Variants in SETDB1 observed in about 807,000 individuals in gnomAD.
SETDB1 encodes SET domain bifurcated histone lysine methyltransferase 1.
SETDB1 carries 31 observed loss-of-function variants against 137.4 expected under a neutral mutation model. The ratio of observed to expected loss-of-function variants is 0.23; its 90% CI spans 0.17 to 0.30. SETDB1 has a LOEUF of 0.30. Among genes scored for constraint, SETDB1 ranks in the 10% least tolerant of loss-of-function variants. The pLI is 1.00. For missense variants in SETDB1, 1,113 were observed against 1,631.5 expected, an observed-to-expected ratio of 0.68 and a Z score of 5.47; for synonymous variants, 548 against 579.9, an observed-to-expected ratio of 0.95 and a Z score of 0.79.
intron 14 of SETDB1, among the ~76,000 whole-genome samples, chr1:150,952,952 A>AT (rs1558023055): frequency 2.6e-5 from 4 of 152,226 alleles, no homozygotes; most frequent in Non-Finnish European, 1.5e-5. Context: ...AATGTCAAGA[A>AT]GACACTGGGA....
chr1:150,956,411 T>A (rs76301908), intron 14 of SETDB1, among the ~76,000 whole-genome samples: 11,295 of 151,766 alleles, frequency 0.074, 1,440 homozygotes, highest in African/African-American at 0.26. Context: ...AGTAACCACT[T>A]AAATTTTGTG....
At chr1:150,938,149 A>G (rs1558014331) in intron 3 of SETDB1, among the ~76,000 whole-genome samples, 1 of 150,802 alleles carries the variant, frequency 6.6e-6, no homozygotes. Context: ...TGAACCCAGG[A>G]GGTGGAGGTT....
In SETDB1 at chr1:150,961,124, C is replaced by G. The variant is rs150892641; in HGVS notation, c.3065C>G (p.Ala1022Gly). 3.1e-6 allele frequency: 5 copies of G among 1,614,042 alleles called. No individual in the cohort carries two copies. The highest frequency in any genetic ancestry group is 4.2e-6 in the Non-Finnish European group (5 of 1,179,988). ...EGRAGGSRME[A>G]EKASTSGLGI... Reference sequence around the variant, plus strand: ...CGGGCTGGGGGAAGCCGAATGGAGGCTGAGAAGGCCTCCACCTCAGGACTA... The same window carrying G: ...CGGGCTGGGGGAAGCCGAATGGAGGGTGAGAAGGCCTCCACCTCAGGACTA... The change falls in exon 16 of 22, where the codon GCT becomes GGT. Residue 1022 changes from alanine (A) to glycine (G), a missense_variant. Ala to Gly is a moderately conservative substitution (Grantham distance 60). Around this residue, in one of 11 missense-constraint regions of SETDB1, gnomAD observed 373 missense variants for 412.7 expected, o/e 0.90. Coordinates refer to ENST00000692827, the MANE Select transcript of SETDB1 (RefSeq NM_001366418.1).
chr1:150,962,290 T>G, intron 17 of SETDB1, 132 bp downstream of exon 17: 1 of 848,302 alleles, frequency 1.2e-6, no homozygotes, highest in Non-Finnish European at 2.0e-6. Context: ...CACCTCAGCC[T>G]CCCTAGTAGC....
In SETDB1 at chr1:150,945,084, C is replaced by T; in HGVS notation, c.1116C>T (p.Gly372=). Residue 372 remains glycine, a synonymous_variant, in exon 9 of 22, where the codon GGC becomes GGT. Transcript: ENST00000692827. ...AGTCCCGAGTTGAGGAGGTGGATGG[C>T]AGCCTAGTCAGGATCCTCTTCCTGG... ...WWKSRVEEVD[G]SLVRILFLDD... 6.2e-7 allele frequency: 1 copy of T among 1,614,072 alleles called. No individual in the cohort carries two copies. The highest frequency in any genetic ancestry group is 8.5e-7 in the Non-Finnish European group (1 of 1,179,968).
intron 16 of SETDB1, 69 bp downstream of exon 16, chr1:150,961,260 A>AT: frequency 1.4e-6 from 2 of 1,469,398 alleles, no homozygotes; most frequent in Non-Finnish European, 1.9e-6. Flanking sequence ...CAGTCTCACC[A>AT]TGAGTCTTTG....
chr1:150,962,073 T>C (rs1229550601), intron 16 of SETDB1, 57 bp from the exon 17 acceptor site: 11 of 1,608,220 alleles, frequency 6.8e-6, no homozygotes, highest in Non-Finnish European at 9.4e-6. Context: ...AGTCTGATTA[T>C]TGGACTTGTT....
intron 3 of SETDB1, among the ~76,000 whole-genome samples, chr1:150,931,453 C>T (rs867876705): frequency 2.2e-4 from 33 of 149,588 alleles, no homozygotes; most frequent in African/African-American, 7.1e-4. Flanking sequence ...GGCGTGGCGG[C>T]GGACGCCTGT....
intron 3 of SETDB1, among the ~76,000 whole-genome samples, chr1:150,930,758 G>C (rs2867296): frequency 0.35 from 53,595 of 151,654 alleles, 9,837 homozygotes; most frequent in South Asian, 0.51. Flanking sequence ...GGCTGGTCTT[G>C]AACTCCTGAC....
In SETDB1 at chr1:150,960,730, G is replaced by C; in HGVS notation, c.2671G>C (p.Asp891His). The C allele has an allele frequency of 6.2e-7, 1 of 1,611,382 alleles. No homozygotes were observed. The highest frequency in any genetic ancestry group is 8.5e-7 in the Non-Finnish European group (1 of 1,178,766). Residue 891 changes from aspartate to histidine, a missense_variant, in exon 16 of 22, where the codon GAT becomes CAT. Physicochemically the swap from Asp to His is moderately conservative, Grantham distance 81. This residue lies in a region of SETDB1 where 373 missense variants were observed against 412.7 expected (regional missense o/e 0.90). Coordinates refer to ENST00000692827, the MANE Select transcript of SETDB1 (RefSeq NM_001366418.1). The stretch of plus-strand genomic sequence containing the variant: ...TGGTGTAGACTTGAAGGACCAGGAA[G>C]ATGGCAACAGCGGTACAGAGGACCC... ...SSGVDLKDQE[D>H]GNSGTEDPEE... is the part of the protein sequence containing the mutation.
chr1:150,951,127 A>G, intron 13 of SETDB1, 37 bp downstream of exon 13: 2 of 1,578,916 alleles, frequency 1.3e-6, no homozygotes, highest in East Asian at 4.5e-5. Flanking sequence ...CCTGCTTCCA[A>G]CTTTGTTATG....
intron 12 of SETDB1, among the ~76,000 whole-genome samples, chr1:150,950,000 G>A (rs776349669): frequency 4.0e-5 from 6 of 151,744 alleles, no homozygotes; most frequent in Non-Finnish European, 7.4e-5. Context: ...TTGGGAGGCC[G>A]AGGCGGGTGG....
Position 150,927,687 on chromosome 1 carries a change from T to C in SETDB1, c.-11-17T>C. ...GTTATAAGGACTCCAATTTAATTTG[T>C]TTTCTGTTCCATGCAGAGGACAAAA... On this transcript the variant is annotated splice_polypyrimidine_tract_variant and intron_variant, in intron 1 of 21. Transcript: ENST00000692827. The C allele has an allele frequency of 1.2e-6, 2 of 1,604,028 alleles. No individual in the cohort carries two copies. Among genetic ancestry groups the C allele is most frequent in the Non-Finnish European group, 1.7e-6 (2 of 1,173,930 alleles).
At chr1:150,933,814 G>A (rs1269733176) in intron 3 of SETDB1, among the ~76,000 whole-genome samples, 2 of 85,994 alleles carry the variant, frequency 2.3e-5, no homozygotes, top group African/African-American at 1.1e-4. Flanking sequence ...TGGAGTTTTC[G>A]CTCTTGTTGT....
intron 3 of SETDB1, among the ~76,000 whole-genome samples, chr1:150,935,852 G>T (rs1372964320): frequency 6.6e-6 from 1 of 152,048 alleles, no homozygotes; most frequent in African/African-American, 2.4e-5. Context: ...TTATTGACAG[G>T]GTTTTTTGTC....
At chr1:150,951,181 TC>T in intron 13 of SETDB1, 91 bp downstream of exon 13, 1 of 1,384,000 alleles carries the variant, frequency 7.2e-7, no homozygotes, top group Non-Finnish European at 1.0e-6. Context: ...TGTACTGCTT[TC>T]CCCATCTTCC....
intron 1 of SETDB1, 123 bp from the exon 2 acceptor site, chr1:150,927,581 G>A: frequency 1.2e-6 from 1 of 833,266 alleles, no homozygotes. Context: ...GGGAGAACAT[G>A]GAATATTTGA....
In SETDB1 at chr1:150,949,377, A is replaced by G. The variant is rs1478683696; in HGVS notation, c.1435A>G (p.Ser479Gly). The G allele has an allele frequency of 1.2e-6, 2 of 1,614,220 alleles. No individual in the cohort carries two copies. The highest frequency in any genetic ancestry group is 8.5e-7 in the Non-Finnish European group (1 of 1,180,038). ...PQAGDSESLE[S>G]QLAQSRKQVA... Reference sequence around the variant, plus strand: ...TCTCTAATCTCCTAGAAGCTTGGAAAGCCAGCTTGCCCAGTCACGGAAGCA... The same window carrying G: ...TCTCTAATCTCCTAGAAGCTTGGAAGGCCAGCTTGCCCAGTCACGGAAGCA... Residue 479 changes from serine (S) to glycine (G), a missense_variant, in exon 12 of 22, where the codon AGC becomes GGC. Around this residue, in one of 11 missense-constraint regions of SETDB1, gnomAD observed 192 missense variants for 198.1 expected, o/e 0.97. Coordinates refer to ENST00000692827, the MANE Select transcript of SETDB1 (RefSeq NM_001366418.1).
Position 150,963,674 on chromosome 1 carries a change from A to T in SETDB1, c.3605A>T (p.Tyr1202Phe). Reference sequence around the variant, plus strand: ...GTTCGTAAGAACACACGCCAATTCTATGATGGCGAGGAGTCTTGCTACATC... The same window carrying T: ...GTTCGTAAGAACACACGCCAATTCTTTGATGGCGAGGAGTCTTGCTACATC... Reference protein sequence around the residue: ...APVRKNTRQFYDGEESCYIID... With the variant: ...APVRKNTRQFFDGEESCYIID... Residue 1202 changes from tyrosine (Y) to phenylalanine (F), a missense_variant, in exon 20 of 22, where the codon TAT becomes TTT. Around this residue, in one of 11 missense-constraint regions of SETDB1, gnomAD observed 37 missense variants for 123.2 expected, o/e 0.30. Coordinates refer to ENST00000692827, the MANE Select transcript of SETDB1 (RefSeq NM_001366418.1). 1.2e-6 allele frequency: 2 copies of T among 1,614,208 alleles called. No homozygotes were observed. The highest frequency in any genetic ancestry group is 8.5e-7 in the Non-Finnish European group (1 of 1,180,040).
Sources: allele counts gnomAD v4.1 joint callset (sites outside exome capture counted in the v4.1 genomes callset), GRCh38; gene constraint gnomAD v4.1.1; regional missense constraint gnomAD v4.1.1; transcripts MANE v1.5; gene names NCBI Gene and HGNC (gene_info 2026-07-23, HGNC 2026-07-21).